Variants in SASS6 observed in about 807,000 individuals in gnomAD.
SASS6 encodes the protein SAS-6 centriolar assembly protein, also known as spindle assembly abnormal protein 6 homolog.
Under a neutral mutation model 94.9 loss-of-function variants are expected in SASS6, and 59 were observed. The ratio of observed to expected loss-of-function variants is 0.62; its 90% CI spans 0.50 to 0.77. SASS6 has a LOEUF of 0.77. Ranked by LOEUF, SASS6 falls within the 30% of genes least tolerant of loss-of-function variation. The pLI, the probability that SASS6 is intolerant of heterozygous loss-of-function variation, is 0.00. For missense variants in SASS6, 698 were observed against 734.1 expected, an observed-to-expected ratio of 0.95 and a Z score of 0.57; for synonymous variants, 264 against 270.0, an observed-to-expected ratio of 0.98 and a Z score of 0.22.
intron 14 of SASS6, among the ~76,000 whole-genome samples, chr1:100,096,151 A>G: frequency 6.6e-6 from 1 of 152,250 alleles, no homozygotes; most frequent in East Asian, 1.9e-4. Context: ...CTTTTAATAT[A>G]AAGTCATAGT....
chr1:100,132,279 G>A (rs1401188643), intron 1 of SASS6, among the ~76,000 whole-genome samples: 1 of 152,110 alleles, frequency 6.6e-6, no homozygotes, highest in Non-Finnish European at 1.5e-5. Flanking sequence ...GCCAAAGTAC[G>A]CCACCAAATT....
chr1:100,108,563 C>A (rs1557887189), intron 8 of SASS6, among the ~76,000 whole-genome samples: 2 of 152,012 alleles, frequency 1.3e-5, no homozygotes, highest in Admixed American at 1.3e-4. Flanking sequence ...GATCTCTTCC[C>A]AATCAGCTAA....
chr1:100,094,354 C>T (rs1651966669), intron 14 of SASS6, among the ~76,000 whole-genome samples: 1 of 152,106 alleles, frequency 6.6e-6, no homozygotes, highest in Non-Finnish European at 1.5e-5. Context: ...CAGATGATTT[C>T]ACTGGAAAAT....
At chr1:100,101,724 C>G (rs1652507549) in intron 14 of SASS6, among the ~76,000 whole-genome samples, 2 of 152,214 alleles carry the variant, frequency 1.3e-5, no homozygotes, top group South Asian at 4.1e-4. Flanking sequence ...CCTTAATAAG[C>G]AATGCAAGAA....
chr1:100,107,268 T>TAA (rs922052678), intron 11 of SASS6, 106 bp downstream of exon 11: 116 of 552,114 alleles, frequency 2.1e-4, no homozygotes, highest in South Asian at 4.2e-4. Context: ...GTTCTTTTGT[T>TAA]AAAAAAAAAA....
chr1:100,118,778 C>T (rs1054909295), intron 7 of SASS6, among the ~76,000 whole-genome samples: 3 of 151,738 alleles, frequency 2.0e-5, no homozygotes, highest in African/African-American at 7.3e-5. Flanking sequence ...AGTTTATAAA[C>T]AAATATTTAT....
chr1:100,129,617 T>C (rs750860169), intron 1 of SASS6, among the ~76,000 whole-genome samples: 4 of 152,172 alleles, frequency 2.6e-5, no homozygotes, highest in Non-Finnish European at 4.4e-5. Flanking sequence ...TTAGGCAACT[T>C]TGAAGGGTCC....
In SASS6 at chr1:100,121,439, A is replaced by G; in HGVS notation, c.422T>C (p.Leu141Pro). 1 of 1,601,656 alleles carries G rather than the reference A, an allele frequency of 6.2e-7. No individual in the cohort carries two copies. Among genetic ancestry groups the G allele is most frequent in the Non-Finnish European group, 8.5e-7 (1 of 1,174,552 alleles). ...FKHLTHLSLKLLPGNDVEIKK... is the reference protein window; with the variant it reads ...FKHLTHLSLKPLPGNDVEIKK... ...TATCTCCACATCATTTCCAGGTAAA[A>G]GTTTTAGTGAGAGGTGTGTAAGATG... Residue 141 changes from leucine to proline, a missense_variant, in exon 5 of 17, where the codon CTT (leucine) becomes CCT (proline). Coordinates refer to ENST00000287482, the MANE Select transcript of SASS6 (RefSeq NM_194292.3).
In SASS6 at chr1:100,120,443, A is replaced by C; in HGVS notation, c.500T>G (p.Leu167Trp). 1 of 1,464,682 alleles carries C rather than the reference A, an allele frequency of 6.8e-7. No individual in the cohort carries two copies. The highest frequency in any genetic ancestry group is 1.1e-5 in the South Asian group (1 of 87,588). The allele number at this position is 1,464,682 out of a possible 1,614,324, so 90.7% of individuals were successfully genotyped here. ...AGTAGCATCATCTAGTGATTGCATC[A>C]ATGATAATTTTTCTTCCTATTCATA... ...LKCSKEEKLS[L>W]MQSLDDATKQ... Residue 167 changes from leucine (L) to tryptophan (W), a missense_variant, in exon 6 of 17, where the codon TTG (leucine) becomes TGG (tryptophan). Coordinates refer to ENST00000287482, the MANE Select transcript of SASS6 (RefSeq NM_194292.3).
intron 13 of SASS6, among the ~76,000 whole-genome samples, chr1:100,103,572 G>A (rs1203466907): frequency 6.6e-6 from 1 of 152,156 alleles, no homozygotes; most frequent in African/African-American, 2.4e-5. Flanking sequence ...TTATGAAAAA[G>A]TTTATTTTTA....
intron 1 of SASS6, among the ~76,000 whole-genome samples, chr1:100,132,442 A>G (rs1419963193): frequency 6.6e-6 from 1 of 152,026 alleles, no homozygotes; most frequent in African/African-American, 2.4e-5. Context: ...TCTGGGCCAG[A>G]GTTCTTATCT....
At chr1:100,125,823 C>A in intron 2 of SASS6, 59 bp downstream of exon 2, 1 of 881,486 alleles carries the variant, frequency 1.1e-6, no homozygotes. Flanking sequence ...TCTTAAAGAA[C>A]AAAACTAATT....
intron 15 of SASS6, 58 bp downstream of exon 15, chr1:100,088,081 T>C: frequency 1.1e-6 from 1 of 886,724 alleles, no homozygotes; most frequent in Non-Finnish European, 1.9e-6. Flanking sequence ...CTGATAAAAA[T>C]TCTGTAAGAT....
intron 2 of SASS6, 44 bp downstream of exon 2, chr1:100,125,838 A>G (rs1349826275): frequency 3.2e-6 from 3 of 944,376 alleles, no homozygotes; most frequent in Non-Finnish European, 5.1e-6. Context: ...CTAATTGTCT[A>G]CAATGTACCG....
At chr1:100,097,990 G>A (rs1176456478) in intron 14 of SASS6, among the ~76,000 whole-genome samples, 2 of 152,130 alleles carry the variant, frequency 1.3e-5, no homozygotes, top group Admixed American at 1.3e-4. Flanking sequence ...GGTACTTTTA[G>A]GGTAATGTAA....
Position 100,119,045 on chromosome 1 carries a change from C to T in SASS6, c.642G>A (p.Leu214=). 1 of 1,583,364 alleles carries T rather than the reference C, an allele frequency of 6.3e-7. No homozygotes were observed. Among genetic ancestry groups the T allele is most frequent in the Non-Finnish European group, 8.6e-7 (1 of 1,161,558 alleles). Residue 214 remains leucine (L), a synonymous_variant, in exon 7 of 17, where the codon CTG becomes CTA. Transcript: ENST00000287482. ...GCAAGGCTTTTTCCTTTTCATTTGT[C>T]AGTTCCTGAGAATGCTTGTTTGTCA... ...AALTNKHSQE[L]TNEKEKALQA... is the part of the protein sequence containing the mutation.
chr1:100,088,526 G>T (rs1374346787), intron 14 of SASS6, among the ~76,000 whole-genome samples: 3 of 152,156 alleles, frequency 2.0e-5, no homozygotes, highest in Admixed American at 2.0e-4. Context: ...CTCGGCTCAA[G>T]TGATCCTCCC....
At position 100,107,398 on chromosome 1, in the gene SASS6, C is replaced by G. The variant is rs772186359; in HGVS notation, c.1302G>C (p.Gln434His). Residue 434 changes from glutamine to histidine, a missense_variant, in exon 11 of 17, where the codon CAG (glutamine) becomes CAC (histidine). By Grantham distance (24) the Gln-to-His change is conservative. Transcript: ENST00000287482. Reference sequence around the variant, plus strand: ...CCTCTTGCTCTTTAATTCGAAGAGACTGTCCAACATCTTGTAATTCCTTTT... The same window carrying G: ...CCTCTTGCTCTTTAATTCGAAGAGAGTGTCCAACATCTTGTAATTCCTTTT... ...KEQKELQDVG[Q>H]SLRIKEQEVC... 2.5e-6 allele frequency: 4 copies of G among 1,603,402 alleles called. No individual in the cohort carries two copies. Among genetic ancestry groups the G allele is most frequent in the Non-Finnish European group, 3.4e-6 (4 of 1,174,350 alleles).
At chr1:100,089,022 T>C (rs1376977902) in intron 14 of SASS6, among the ~76,000 whole-genome samples, 1 of 151,822 alleles carries the variant, frequency 6.6e-6, no homozygotes, top group Non-Finnish European at 1.5e-5. Flanking sequence ...GGGACACAAA[T>C]GTAATTGTGT....
Sources: gnomAD v4.1 joint callset for allele counts (sites outside exome capture counted in the v4.1 genomes callset) on GRCh38, gnomAD v4.1.1 for gene constraint, MANE v1.5 for transcripts, NCBI Gene and HGNC (gene_info 2026-07-23, HGNC 2026-07-21) for gene names.